Variants in SND1 observed in about 807,000 individuals in gnomAD.
SND1 encodes staphylococcal nuclease and tudor domain containing 1, also known as staphylococcal nuclease domain-containing protein 1.
SND1 carries 38 observed loss-of-function variants against 121.7 expected under a neutral mutation model. The ratio of observed to expected loss-of-function variants is 0.31; its 90% CI spans 0.24 to 0.41. The LOEUF (loss-of-function observed/expected upper bound fraction) is 0.41. Among genes scored for constraint, SND1 ranks in the 10% least tolerant of loss-of-function variants. The pLI, the probability that SND1 is intolerant of heterozygous loss-of-function variation, is 1.00. For missense variants in SND1, 868 were observed against 1,184.6 expected (o/e 0.73, Z 3.92); for synonymous variants, 401 against 447.4 (o/e 0.90, Z 1.31).
At chr7:127,801,942 C>T (rs541522412) in intron 10 of SND1, among the ~76,000 whole-genome samples, 57 of 152,158 alleles carry the variant, frequency 3.7e-4, no homozygotes, top group Non-Finnish European at 6.8e-4. Flanking sequence ...CCAGAGTTCA[C>T]GCCATTCTCC....
chr7:127,752,776 TAA>T (rs1797122646), intron 10 of SND1, among the ~76,000 whole-genome samples: 1 of 152,224 alleles, frequency 6.6e-6, no homozygotes, highest in South Asian at 2.1e-4. Flanking sequence ...CTGAATTTCA[TAA>T]AGTTTTCACA....
intron 12 of SND1, among the ~76,000 whole-genome samples, chr7:127,871,065 A>G (rs1799576810): frequency 6.6e-6 from 1 of 152,190 alleles, no homozygotes; most frequent in South Asian, 2.1e-4. Flanking sequence ...CTAGACCTAC[A>G]CAGTCAGGAT....
intron 7 of SND1, among the ~76,000 whole-genome samples, chr7:127,703,867 C>T (rs1796146354): frequency 6.6e-6 from 1 of 152,182 alleles, no homozygotes. Context: ...AACTTGATCA[C>T]ATATTTATCT....
At chr7:127,732,355 T>G (rs1796694331) in intron 10 of SND1, among the ~76,000 whole-genome samples, 1 of 152,220 alleles carries the variant, frequency 6.6e-6, no homozygotes, top group South Asian at 2.1e-4. Flanking sequence ...TAAACTTGGG[T>G]TTGAATGATG....
At chr7:127,951,488 C>T (rs1162711075) in intron 15 of SND1, among the ~76,000 whole-genome samples, 1 of 152,166 alleles carries the variant, frequency 6.6e-6, no homozygotes. Context: ...CAATTAAGTT[C>T]TAGAGATCTG....
chr7:127,962,082 T>A (rs1483114736), intron 15 of SND1, among the ~76,000 whole-genome samples: 1 of 152,198 alleles, frequency 6.6e-6, no homozygotes, highest in East Asian at 1.9e-4. Context: ...TTATGCCTTT[T>A]CTTGAGGTTA....
intron 12 of SND1, among the ~76,000 whole-genome samples, chr7:127,867,666 T>C (rs1408656928): frequency 2.0e-5 from 3 of 152,258 alleles, no homozygotes; most frequent in Admixed American, 6.5e-5. Flanking sequence ...GCCTGGTTTA[T>C]GCTGTCAGTG....
chr7:127,698,963 C>A lies in SND1; in HGVS notation c.428+10C>A. 6.2e-7 allele frequency: 1 copy of A among 1,605,106 alleles called. No homozygotes were observed. Among genetic ancestry groups the A allele is most frequent in the South Asian group, 1.1e-5 (1 of 90,814 alleles). ...GCATGAGAGCTAATAAGTAAGTATT[C>A]ATTACTCCGCTGTCTCTCTGACAGC... On this transcript the variant is annotated intron_variant, in intron 4 of 23. Transcript: ENST00000354725.
At chr7:127,719,901 C>T (rs1796461762) in intron 9 of SND1, among the ~76,000 whole-genome samples, 1 of 152,102 alleles carries the variant, frequency 6.6e-6, no homozygotes, top group African/African-American at 2.4e-5. Context: ...CACTTAACTC[C>T]TGCTGTTTTC....
chr7:127,768,733 G>A (rs1402828595), intron 10 of SND1, among the ~76,000 whole-genome samples: 1 of 152,154 alleles, frequency 6.6e-6, no homozygotes, highest in African/African-American at 2.4e-5. Context: ...ATTTTACCCA[G>A]GGGTAGAATC....
chr7:127,804,263 G>A (rs1435700784), intron 10 of SND1, among the ~76,000 whole-genome samples: 4 of 152,152 alleles, frequency 2.6e-5, no homozygotes, highest in Admixed American at 2.6e-4. Context: ...TACTAGCTCT[G>A]AGGGGTTAGA....
intron 16 of SND1, among the ~76,000 whole-genome samples, chr7:128,060,859 A>G (rs542437151): frequency 5.9e-5 from 9 of 152,278 alleles, no homozygotes; most frequent in Admixed American, 4.6e-4. Context: ...TTAAAAGCTC[A>G]ATTGTGACTT....
At chr7:128,060,642 C>T (rs1186211511) in intron 16 of SND1, among the ~76,000 whole-genome samples, 1 of 152,102 alleles carries the variant, frequency 6.6e-6, no homozygotes, top group Non-Finnish European at 1.5e-5. Context: ...CTCCTGAGAG[C>T]ACTAAAAGAA....
chr7:128,032,126 T>C (rs1326238284), intron 16 of SND1: 2 of 151,840 alleles, frequency 1.3e-5, no homozygotes, highest in Non-Finnish European at 2.9e-5. Flanking sequence ...CGCATACTGT[T>C]CTGGGAGAAG....
chr7:127,882,152 G>C (rs2116719571), intron 12 of SND1, among the ~76,000 whole-genome samples: 1 of 152,000 alleles, frequency 6.6e-6, no homozygotes, highest in South Asian at 2.1e-4. Flanking sequence ...CTACTCAGGG[G>C]GCTGGGGTAG....
chr7:127,722,323 T>TTTA (rs56690440), intron 10 of SND1, among the ~76,000 whole-genome samples: 1 of 151,300 alleles, frequency 6.6e-6, no homozygotes, highest in Non-Finnish European at 1.5e-5. Flanking sequence ...TTTTTTTTTT[T>TTTA]AAGAAACAGG....
At chr7:127,741,324 T>C (rs556604299) in intron 10 of SND1, among the ~76,000 whole-genome samples, 44 of 152,344 alleles carry the variant, frequency 2.9e-4, no homozygotes, top group Non-Finnish European at 5.7e-4. Flanking sequence ...GACTCTTAAA[T>C]ATTGAATGTG....
intron 16 of SND1, chr7:127,999,077 A>C (rs1217667066): frequency 6.6e-6 from 1 of 152,222 alleles, no homozygotes; most frequent in Non-Finnish European, 1.5e-5. Flanking sequence ...ACCTGTAATT[A>C]TGTCATATGG....
chr7:127,942,074 G>A (rs1056620006), intron 15 of SND1, among the ~76,000 whole-genome samples: 2 of 151,912 alleles, frequency 1.3e-5, no homozygotes, highest in Non-Finnish European at 2.9e-5. Flanking sequence ...AGAGGAGGGA[G>A]TTTTTTCCTC....
Sources: allele counts gnomAD v4.1 joint callset (sites outside exome capture counted in the v4.1 genomes callset), GRCh38; gene constraint gnomAD v4.1.1; transcripts MANE v1.5; gene names NCBI Gene and HGNC (gene_info 2026-07-23, HGNC 2026-07-21).